SCUBE1: variants seen among roughly 807,000 people sequenced by gnomAD.
SCUBE1 encodes the protein signal peptide, CUB and EGF-like domain-containing protein 1.
In SCUBE1, 59 loss-of-function variants were observed where a neutral mutation model predicts 124.4. The ratio of observed to expected loss-of-function variants is 0.47; its 90% CI spans 0.38 to 0.59. The LOEUF is 0.59. Ranked by LOEUF, SCUBE1 falls within the 20% of genes least tolerant of loss-of-function variation. The pLI is 0.00. For synonymous variants in SCUBE1, 545 were observed against 550.9 expected (o/e 0.99, Z 0.15); for missense variants, 1,150 against 1,371.2 (o/e 0.84, Z 2.55).
chr22:43,227,046 T>G (rs1251047020), intron 10 of SCUBE1, among the ~76,000 whole-genome samples: 8 of 152,070 alleles, frequency 5.3e-5, no homozygotes, highest in African/African-American at 1.7e-4. Flanking sequence ...AGCTTCCAGC[T>G]CTATGGAGAC....
intron 3 of SCUBE1, among the ~76,000 whole-genome samples, chr22:43,292,970 G>A (rs1374683010): frequency 6.6e-6 from 1 of 152,224 alleles, no homozygotes; most frequent in African/African-American, 2.4e-5. Context: ...TTCTGACTGG[G>A]GAAGCCTGGG....
chr22:43,282,976 G>A (rs5759254), intron 4 of SCUBE1: 64,132 of 151,804 alleles, frequency 0.42, 14,957 homozygotes, highest in East Asian at 0.97. Context: ...GATTATAGGC[G>A]TGAGCCACGA....
intron 17 of SCUBE1, 140 bp downstream of exon 17, chr22:43,212,285 A>C (rs1223845802): frequency 4.2e-6 from 4 of 950,388 alleles, no homozygotes; most frequent in Non-Finnish European, 6.1e-6. Flanking sequence ...ACCCACGCCC[A>C]CGCCTGACAG....
chr22:43,307,256 T>C (rs148675674), intron 3 of SCUBE1, among the ~76,000 whole-genome samples: 156 of 152,306 alleles, frequency 1.0e-3, no homozygotes, highest in Non-Finnish European at 2.0e-3. Context: ...AGGTCTTCTC[T>C]AGGGGTTGAC....
chr22:43,238,729 T>TAC (rs1922872137), intron 7 of SCUBE1, 109 bp downstream of exon 7: 1 of 877,230 alleles, frequency 1.1e-6, no homozygotes, highest in East Asian at 2.4e-5. Context: ...TTCCCACAGC[T>TAC]ACACGTGGCC....
intron 1 of SCUBE1, among the ~76,000 whole-genome samples, chr22:43,341,678 C>T (rs1197343310): frequency 1.3e-5 from 2 of 152,172 alleles, no homozygotes; most frequent in African/African-American, 4.8e-5. Flanking sequence ...GAGGGAGAAG[C>T]CACTTGTCCC....
intron 11 of SCUBE1, 60 bp from the exon 12 acceptor site, chr22:43,222,802 T>A: frequency 7.6e-7 from 1 of 1,316,418 alleles, no homozygotes; most frequent in Non-Finnish European, 1.1e-6. Flanking sequence ...GGCCCTCAGA[T>A]TCTTGGGGCC....
At chr22:43,314,054 C>T (rs1166986982) in intron 3 of SCUBE1, among the ~76,000 whole-genome samples, 2 of 152,146 alleles carry the variant, frequency 1.3e-5, no homozygotes, top group Non-Finnish European at 2.9e-5. Flanking sequence ...ACGGGCCTAA[C>T]TATTCCTGAT....
chr22:43,323,417 T>C (rs1926621659), intron 2 of SCUBE1, among the ~76,000 whole-genome samples: 1 of 152,196 alleles, frequency 6.6e-6, no homozygotes, highest in Admixed American at 6.5e-5. Context: ...TTTATCCATC[T>C]AAATATCCAG....
At chr22:43,272,033 G>A (rs577659115) in intron 4 of SCUBE1, among the ~76,000 whole-genome samples, 2 of 152,258 alleles carry the variant, frequency 1.3e-5, no homozygotes, top group African/African-American at 2.4e-5. Context: ...CAGGCCCAAA[G>A]GGGTTCTAGC....
At chr22:43,336,719 G>C (rs998620214) in intron 2 of SCUBE1, among the ~76,000 whole-genome samples, 6 of 152,196 alleles carry the variant, frequency 3.9e-5, no homozygotes, top group African/African-American at 1.4e-4. Flanking sequence ...CTGGGAGCAG[G>C]GTAGGTACCC....
At chr22:43,216,440 G>T (rs1921813495) in intron 15 of SCUBE1, among the ~76,000 whole-genome samples, 1 of 149,668 alleles carries the variant, frequency 6.7e-6, no homozygotes, top group Non-Finnish European at 1.5e-5. Context: ...AGATCATGAG[G>T]TCAGGAGTTT....
At chr22:43,334,616 C>T (rs570999043) in intron 2 of SCUBE1, among the ~76,000 whole-genome samples, 1 of 135,806 alleles carries the variant, frequency 7.4e-6, no homozygotes, top group South Asian at 2.3e-4. Flanking sequence ...TCAACATTAT[C>T]ATCACCACCA....
intron 4 of SCUBE1, among the ~76,000 whole-genome samples, chr22:43,271,815 C>T (rs746198947): frequency 5.3e-5 from 8 of 152,152 alleles, no homozygotes; most frequent in East Asian, 1.9e-4. Context: ...CTTCTACTTA[C>T]CCAGAGCGCC....
At chr22:43,265,273 A>G (rs1203983569) in intron 4 of SCUBE1, among the ~76,000 whole-genome samples, 2 of 152,176 alleles carry the variant, frequency 1.3e-5, no homozygotes, top group Non-Finnish European at 2.9e-5. Flanking sequence ...CACTGAGCCA[A>G]GATGTTGTTG....
In SCUBE1 at chr22:43,258,672, T is replaced by C. The variant is rs1343517224; in HGVS notation, c.611-337A>G. On this transcript the variant is annotated intron_variant, in intron 5 of 21. Transcript: ENST00000360835. The surrounding 1 kb of genome is among the most constrained non-coding windows in gnomAD (Gnocchi z 5.0). The stretch of plus-strand genomic sequence containing the variant: ...CCTTCTCAGACTGCAGGACATTTTA[T>C]AGCTGCCTGTCTTGATGGGGCAAAT... Among the ~76,000 whole-genome samples, 1 of 152,198 alleles carries C rather than the reference T, an allele frequency of 6.6e-6. No homozygotes were observed. Among genetic ancestry groups the C allele is most frequent in the South Asian group, 2.1e-4 (1 of 4,832 alleles).
intron 3 of SCUBE1, among the ~76,000 whole-genome samples, chr22:43,318,768 C>T (rs11913326): frequency 1.4e-3 from 215 of 152,220 alleles, no homozygotes; most frequent in African/African-American, 4.5e-3. Flanking sequence ...TCACTCTTGT[C>T]GCCCGGGCTG....
At chr22:43,222,894 G>A (rs980330555) in intron 11 of SCUBE1, 152 bp from the exon 12 acceptor site, 7 of 950,250 alleles carry the variant, frequency 7.4e-6, no homozygotes, top group Admixed American at 2.5e-5. Flanking sequence ...GAAGTGGCCA[G>A]GAGGAAGGAG....
At chr22:43,280,667 T>G (rs1924763598) in intron 4 of SCUBE1, among the ~76,000 whole-genome samples, 1 of 149,378 alleles carries the variant, frequency 6.7e-6, no homozygotes. Context: ...CTATCAGCCC[T>G]CCTTCTGTCA....
Sources: gnomAD v4.1 joint callset for allele counts (sites outside exome capture counted in the v4.1 genomes callset) on GRCh38, gnomAD v4.1.1 for gene constraint, Gnocchi (gnomAD v3.1) non-coding constraint, MANE v1.5 for transcripts, NCBI Gene and HGNC (gene_info 2026-07-23, HGNC 2026-07-21) for gene names.